CRBN: variants seen among roughly 807,000 people sequenced by gnomAD.
The protein encoded by CRBN is protein cereblon.
Under a neutral mutation model 62.2 loss-of-function variants are expected in CRBN, and 53 were observed. That is an observed-to-expected ratio of 0.85 (90% confidence interval 0.68 to 1.07). The LOEUF (loss-of-function observed/expected upper bound fraction) is 1.07. Among genes scored for constraint, CRBN ranks in the 50% least tolerant of loss-of-function variants. The probability of loss-of-function intolerance (pLI) is 0.00; values close to 1 mark genes in which losing one functional copy is unlikely to be tolerated. For synonymous variants in CRBN, 208 were observed against 176.1 expected (o/e 1.18, Z -1.43); for missense variants, 616 against 531.1 (o/e 1.16, Z -1.57).
At chr3:3,176,539 C>T (rs1707830238) in intron 1 of CRBN, among the ~76,000 whole-genome samples, 1 of 152,124 alleles carries the variant, frequency 6.6e-6, no homozygotes, top group East Asian at 1.9e-4. Flanking sequence ...AGTTCAAGAC[C>T]AGCCTGGCCA....
intron 5 of CRBN, among the ~76,000 whole-genome samples, chr3:3,159,134 T>C (rs1707032509): frequency 6.6e-6 from 1 of 152,210 alleles, no homozygotes; most frequent in Admixed American, 6.5e-5. Context: ...AATAAAACTC[T>C]TTTCTTTATA....
At position 3,150,043 on chromosome 3, in the gene CRBN, A is replaced by AGATTTTCTTCAATTTACATT. The variant is rs1387094909; in HGVS notation, c.*802_*821dup. On this transcript the variant is annotated 3_prime_UTR_variant, in exon 11 of 11. Coordinates refer to ENST00000231948, the MANE Select transcript of CRBN (RefSeq NM_016302.4). The stretch of plus-strand genomic sequence containing the variant: ...TCACACTTAAGGTTTACTTACTTAC[A>AGATTTTCTTCAATTTACATT]GATTTTCTTCAATTTACATTGAACA... 1 of 152,170 alleles carries AGATTTTCTTCAATTTACATT rather than the reference A, an allele frequency of 6.6e-6. No individual in the cohort carries two copies. Among genetic ancestry groups the AGATTTTCTTCAATTTACATT allele is most frequent in the Non-Finnish European group, 1.5e-5 (1 of 68,012 alleles). 9.4% of individuals were successfully genotyped at this position (152,170 alleles called of 1,614,324 possible).
chr3:3,170,526 T>C (rs1298502976), intron 4 of CRBN, among the ~76,000 whole-genome samples: 1 of 152,210 alleles, frequency 6.6e-6, no homozygotes, highest in Non-Finnish European at 1.5e-5. Flanking sequence ...GCTTATTTGC[T>C]GTTTAAGCAA....
intron 5 of CRBN, among the ~76,000 whole-genome samples, chr3:3,163,119 C>G (rs1707204456): frequency 6.6e-6 from 1 of 152,190 alleles, no homozygotes; most frequent in African/African-American, 2.4e-5. Flanking sequence ...TTGTAGGTCA[C>G]TTGGAGTCCA....
chr3:3,167,328 C>G (rs999859240), intron 5 of CRBN: 2 of 259,354 alleles, frequency 7.7e-6, no homozygotes, highest in African/African-American at 4.6e-5. Flanking sequence ...ACTCAAGAGC[C>G]GAACATCTAA....
At chr3:3,172,589 T>G in intron 4 of CRBN, 187 bp downstream of exon 4, 1 of 621,546 alleles carries the variant, frequency 1.6e-6, no homozygotes, top group Non-Finnish European at 2.8e-6. Context: ...TTCTATAGTT[T>G]TAAAAGCTTC....
chr3:3,173,939 C>T (rs1707727206), intron 3 of CRBN, 120 bp downstream of exon 3: 1 of 872,054 alleles, frequency 1.1e-6, no homozygotes, highest in Non-Finnish European at 1.9e-6. Flanking sequence ...TTCCTAACCT[C>T]ACATTCTTAC....
chr3:3,151,180 C>T (rs549711438), intron 10 of CRBN, 135 bp from the exon 11 acceptor site: 10 of 909,252 alleles, frequency 1.1e-5, no homozygotes, highest in African/African-American at 1.7e-5. Flanking sequence ...TTGATCCATA[C>T]AGTTCCCTGA....
At chr3:3,179,716 C>T (rs1311187270), upstream of CRBN, 1 of 1,606,852 alleles carries the variant, frequency 6.2e-7, no homozygotes, top group Non-Finnish European at 8.5e-7. Context: ...GAGGCTGGGA[C>T]AGGGCGGTGC....
At position 3,154,477 on chromosome 3, in the gene CRBN, G is replaced by A; in HGVS notation, c.835+270C>T. ...GGAAAGGAGTCCTTACACAGGAAGTGTTTTTGGATGACAGCCACTTCCTGC... is the reference window on the plus strand; with the variant it reads ...GGAAAGGAGTCCTTACACAGGAAGTATTTTTGGATGACAGCCACTTCCTGC... On this transcript the variant is annotated intron_variant, in intron 7 of 10. Coordinates refer to ENST00000231948, the MANE Select transcript of CRBN (RefSeq NM_016302.4). The A allele has an allele frequency of 7.9e-6, 4 of 505,448 alleles. No individual in the cohort carries two copies. The South Asian group carries it at 8.6e-5, about 11-fold the overall frequency. 31.3% of individuals were successfully genotyped at this position (505,448 alleles called of 1,614,324 possible).
chr3:3,149,634 C>CACACAA (rs1706341619), downstream of CRBN: 2 of 151,998 alleles, frequency 1.3e-5, no homozygotes, highest in Non-Finnish European at 2.9e-5. Flanking sequence ...CCAGTGAAGT[C>CACACAA]ACACAAACCC....
chr3:3,161,132 A>G (rs181832525), intron 5 of CRBN, among the ~76,000 whole-genome samples: 1 of 152,330 alleles, frequency 6.6e-6, no homozygotes, highest in Admixed American at 6.5e-5. Flanking sequence ...ACAACAAAAA[A>G]ACAGTTCTGT....
At position 3,174,041 on chromosome 3, in the gene CRBN, T is replaced by C; in HGVS notation, c.377+18A>G. On this transcript the variant is annotated intron_variant, in intron 3 of 10. Coordinates refer to ENST00000231948, the MANE Select transcript of CRBN (RefSeq NM_016302.4). ...CATGAGAGGGAATGTATTAAGCAAA[T>C]GGACTCTAATATTTTACCTGTATGC... is the stretch of plus-strand genomic sequence containing the variant. 1 of 1,602,292 alleles carries C rather than the reference T, an allele frequency of 6.2e-7. No homozygotes were observed.
rs1324469390 is a variant in CRBN, at chr3:3,179,625, C to A, written c.63G>T (p.Leu21=). ...GGAACTACTCCGGGCGGTTACCAGG[C>A]AGGAGCGGCAGGTGGTTGCCCATGT... ...AHNMGNHLPL[L]PAESEEEDEM... is the part of the protein sequence containing the mutation. Residue 21 remains leucine, a synonymous_variant, in exon 1 of 11, where the codon CTG becomes CTT. Transcript: ENST00000231948. The A allele has an allele frequency of 6.2e-7, 1 of 1,613,514 alleles. No individual in the cohort carries two copies. Among genetic ancestry groups the A allele is most frequent in the African/African-American group, 1.3e-5 (1 of 74,924 alleles).
At chr3:3,157,543 G>C (rs1303247153) in intron 5 of CRBN, among the ~76,000 whole-genome samples, 1 of 152,146 alleles carries the variant, frequency 6.6e-6, no homozygotes, top group Non-Finnish European at 1.5e-5. Context: ...GACTAGGTAT[G>C]TTTCATACGC....
At chr3:3,149,704 T>TGGAAGTA (rs1559235799), downstream of CRBN, 1 of 152,100 alleles carries the variant, frequency 6.6e-6, no homozygotes, top group Non-Finnish European at 1.5e-5. Context: ...CATATCCTGA[T>TGGAAGTA]TGGAAGTATT....
Position 3,162,086 on chromosome 3 carries a change from G to A in CRBN, c.687+5548C>T, listed in dbSNP as rs78134370. ...CATGCTCAGTTCCTCCCTGCTCTACGCAATAAACAGGAACAACCATGGCTA... is the reference window on the plus strand; with the variant it reads ...CATGCTCAGTTCCTCCCTGCTCTACACAATAAACAGGAACAACCATGGCTA... On this transcript the variant is annotated intron_variant, in intron 5 of 10. Transcript: ENST00000231948. Among the ~76,000 whole-genome samples, 526 of 152,236 alleles carry A rather than the reference G, an allele frequency of 3.5e-3. 5 individuals carry two copies. Among genetic ancestry groups the A allele is most frequent in the African/African-American group, 0.012 (485 of 41,532 alleles).
intron 4 of CRBN, among the ~76,000 whole-genome samples, chr3:3,171,951 G>A (rs1028314553): frequency 2.0e-5 from 3 of 152,168 alleles, no homozygotes; most frequent in African/African-American, 7.2e-5. Flanking sequence ...GAGACCTCAC[G>A]GGTGATGCCA....
chr3:3,164,222 T>C (rs1401765355), intron 5 of CRBN, among the ~76,000 whole-genome samples: 1 of 152,204 alleles, frequency 6.6e-6, no homozygotes, highest in African/African-American at 2.4e-5. Flanking sequence ...GTCAAGCATC[T>C]CTCACTTTAA....
Sources: gnomAD v4.1 joint callset for allele counts (sites outside exome capture counted in the v4.1 genomes callset) on GRCh38, gnomAD v4.1.1 for gene constraint, MANE v1.5 for transcripts, NCBI Gene and HGNC (gene_info 2026-07-23, HGNC 2026-07-21) for gene names.